The following PTPN13 variants were observed in gnomAD, a reference collection of about 807,000 sequenced individuals.
The protein encoded by PTPN13 is protein tyrosine phosphatase non-receptor type 13, also known as tyrosine-protein phosphatase non-receptor type 13.
A neutral mutation model predicts 284.0 loss-of-function variants in PTPN13; 191 were observed. The ratio of observed to expected loss-of-function variants is 0.67; its 90% confidence interval spans 0.60 to 0.76. The LOEUF (loss-of-function observed/expected upper bound fraction) is 0.76. Among genes scored for constraint, PTPN13 ranks in the 30% least tolerant of loss-of-function variants. The probability of loss-of-function intolerance (pLI) is 0.00; values close to 1 mark genes in which losing one functional copy is unlikely to be tolerated. For missense variants in PTPN13, 2,797 were observed against 2,939.9 expected, an observed-to-expected ratio of 0.95 and a Z score of 1.12; for synonymous variants, 986 against 1,022.3, an observed-to-expected ratio of 0.96 and a Z score of 0.68.
rs1739071246 is a variant in PTPN13 at position 86,764,604 on chromosome 4, T to G, written c.4029T>G (p.Ser1343=). 6.6e-7 allele frequency: 1 copy of G among 1,504,800 alleles called. No homozygotes were observed. The highest frequency in any genetic ancestry group is 1.4e-5 in the African/African-American group (1 of 70,780). The allele number at this position is 1,504,800 out of a possible 1,614,324, so 93.2% of individuals were successfully genotyped here. The stretch of plus-strand genomic sequence containing the variant: ...TTTTCTTTGTTAAGGAATCTTCCTC[T>G]TCAGTGAATACATCCAACAAGATGA... ...DHQTPKQESS[S]SVNTSNKMNF... is the part of the protein sequence containing the mutation. Residue 1343 remains serine, a synonymous_variant, in exon 25 of 48, where the codon TCT becomes TCG. Coordinates refer to ENST00000411767, the MANE Select transcript of PTPN13 (RefSeq NM_080683.3).
intron 7 of PTPN13, among the ~76,000 whole-genome samples, chr4:86,708,282 A>C (rs1432684382): frequency 6.6e-6 from 1 of 152,198 alleles, no homozygotes; most frequent in African/African-American, 2.4e-5. Context: ...TCAGTTGAGG[A>C]AAGAGTGGCT....
chr4:86,666,792 C>T (rs1324278880), intron 2 of PTPN13, among the ~76,000 whole-genome samples: 3 of 152,184 alleles, frequency 2.0e-5, no homozygotes, highest in Middle Eastern at 3.4e-3. Context: ...GTGGCCACCC[C>T]GCCCTAATCT....
chr4:86,675,960 G>A (rs1179647363), intron 3 of PTPN13, among the ~76,000 whole-genome samples: 1 of 152,120 alleles, frequency 6.6e-6, no homozygotes, highest in Admixed American at 6.5e-5. Context: ...CCACTAATTT[G>A]TAGTCTAAAT....
intron 12 of PTPN13, 125 bp from the exon 13 acceptor site, chr4:86,734,176 AAC>A: frequency 1.3e-6 from 1 of 748,422 alleles, no homozygotes; most frequent in East Asian, 2.9e-5. Flanking sequence ...CCACATTTTT[AAC>A]AGTCTTGTAT....
intron 7 of PTPN13, among the ~76,000 whole-genome samples, chr4:86,705,642 A>G (rs1398673573): frequency 6.6e-6 from 1 of 152,150 alleles, no homozygotes; most frequent in Non-Finnish European, 1.5e-5. Context: ...GGTTTCAGTA[A>G]TTATAGAATT....
At chr4:86,700,745 T>C (rs1731069080) in intron 6 of PTPN13, among the ~76,000 whole-genome samples, 1 of 152,208 alleles carries the variant, frequency 6.6e-6, no homozygotes, top group Admixed American at 6.5e-5. Context: ...TACAATCCTA[T>C]TTCCATCCAG....
intron 2 of PTPN13, among the ~76,000 whole-genome samples, chr4:86,662,180 C>T (rs567067806): frequency 6.6e-6 from 1 of 152,258 alleles, no homozygotes; most frequent in African/African-American, 2.4e-5. Flanking sequence ...AAAGGCTTAG[C>T]ACATCATTCC....
intron 2 of PTPN13, among the ~76,000 whole-genome samples, chr4:86,656,880 G>A (rs186146386): frequency 3.5e-4 from 53 of 152,334 alleles, no homozygotes; most frequent in African/African-American, 1.2e-3. Context: ...CACTCAGTTC[G>A]AGCTTCCTGG....
rs527700129 is a variant in PTPN13, at chr4:86,725,739, T to G, written c.1608+3305T>G. On this transcript the variant is annotated intron_variant, in intron 10 of 47. Transcript: ENST00000411767. ...ATTAGCCTTTTGTCAGATGGGTAGA[T>G]TGCAAAAATTTTCTCCCATTCTGTA... Among the ~76,000 whole-genome samples, 2 of 149,700 alleles carry G rather than the reference T, an allele frequency of 1.3e-5. 1 individual carries two copies. Among genetic ancestry groups the G allele is most frequent in the Non-Finnish European group, 3.0e-5 (2 of 66,746 alleles).
At chr4:86,752,320 A>G (rs533795594) in intron 19 of PTPN13, among the ~76,000 whole-genome samples, 29 of 152,188 alleles carry the variant, frequency 1.9e-4, no homozygotes, top group Middle Eastern at 3.2e-3. Flanking sequence ...GACAAAAGAC[A>G]ATTCTGCATT....
At chr4:86,622,357 A>T (rs943926901) in intron 1 of PTPN13, among the ~76,000 whole-genome samples, 3 of 152,226 alleles carry the variant, frequency 2.0e-5, no homozygotes, top group South Asian at 2.1e-4. Context: ...ATAATTACAG[A>T]ATACGAGCTT....
At chr4:86,757,543 G>A (rs1243935523) in intron 20 of PTPN13, among the ~76,000 whole-genome samples, 3 of 152,014 alleles carry the variant, frequency 2.0e-5, no homozygotes, top group African/African-American at 7.3e-5. Context: ...GCCTAGATAG[G>A]AGGATCACTT....
chr4:86,721,985 G>A (rs550272579), intron 9 of PTPN13, among the ~76,000 whole-genome samples: 6 of 151,896 alleles, frequency 4.0e-5, no homozygotes, highest in African/African-American at 7.2e-5. Flanking sequence ...GGACTCAAGC[G>A]ATCCAACCGC....
intron 40 of PTPN13, 53 bp downstream of exon 40, chr4:86,785,989 G>A (rs1741866436): frequency 2.0e-6 from 2 of 991,874 alleles, no homozygotes; most frequent in South Asian, 4.4e-5. Flanking sequence ...ACAATTATGG[G>A]TTTAACCCAG....
Position 86,686,773 on chromosome 4 carries a change from C to G in PTPN13, c.358C>G (p.Gln120Glu). The G allele has an allele frequency of 6.4e-7, 1 of 1,566,056 alleles. No individual in the cohort carries two copies. The highest frequency in any genetic ancestry group is 8.7e-7 in the Non-Finnish European group (1 of 1,151,876). Residue 120 changes from glutamine to glutamate, a missense_variant and splice_region_variant, in exon 4 of 48, where the codon CAA (glutamine) becomes GAA (glutamate). By Grantham distance (29) the Gln-to-Glu change is conservative. Transcript: ENST00000411767. ...WGADYEVPQS[Q>E]PIKLGDHLNS... ...GGCTGATTATGAAGTGCCTCAGAGC[C>G]AAGTAAGTTAAGTTTTTACAGTTGT...
chr4:86,638,727 T>G (rs952573180), intron 2 of PTPN13, among the ~76,000 whole-genome samples: 91 of 152,196 alleles, frequency 6.0e-4, no homozygotes, highest in Non-Finnish European at 1.2e-3. Flanking sequence ...ATAAAAACCC[T>G]AGAAGAAAAC....
intron 3 of PTPN13, 129 bp from the exon 4 acceptor site, chr4:86,686,581 A>G: frequency 3.0e-6 from 2 of 663,386 alleles, no homozygotes; most frequent in South Asian, 4.0e-5. Context: ...TATGGAAAAT[A>G]TAAAATGATG....
At chr4:86,806,420 A>G (rs1422199306) in intron 44 of PTPN13, among the ~76,000 whole-genome samples, 4 of 152,216 alleles carry the variant, frequency 2.6e-5, no homozygotes, top group Admixed American at 2.6e-4. Flanking sequence ...GTGACAAGTC[A>G]CATGATAAGT....
intron 40 of PTPN13, among the ~76,000 whole-genome samples, chr4:86,794,678 T>C (rs1041715644): frequency 6.6e-6 from 1 of 152,174 alleles, no homozygotes; most frequent in African/African-American, 2.4e-5. Flanking sequence ...CAAAACAGCA[T>C]GGTACTGGTA....
Sources: gnomAD v4.1 joint callset for allele counts (sites outside exome capture counted in the v4.1 genomes callset) on GRCh38, gnomAD v4.1.1 for gene constraint, MANE v1.5 for transcripts, NCBI Gene and HGNC (gene_info 2026-07-23, HGNC 2026-07-21) for gene names.